P2RX3: variants seen among roughly 807,000 people sequenced by gnomAD.
The protein encoded by P2RX3 is P2X purinoceptor 3.
P2RX3 carries 41 observed loss-of-function variants against 51.5 expected under a neutral mutation model. The observed-to-expected ratio is 0.80, with a 90% confidence interval of 0.62 to 1.03. P2RX3 has a LOEUF of 1.03. Among genes scored for constraint, P2RX3 ranks in the 50% least tolerant of loss-of-function variants. The pLI is 0.00. For synonymous variants in P2RX3, 185 were observed against 191.6 expected, an observed-to-expected ratio of 0.97 and a Z score of 0.29; for missense variants, 459 against 522.1, an observed-to-expected ratio of 0.88 and a Z score of 1.18.
At chr11:57,347,379 G>T in intron 3 of P2RX3, 36 bp from the exon 4 acceptor site, 1 of 1,553,050 alleles carries the variant, frequency 6.4e-7, no homozygotes. Flanking sequence ...GGCCAGGACA[G>T]TGTCCTTCAC....
At chr11:57,359,148 G>A (rs898194054) in intron 8 of P2RX3, among the ~76,000 whole-genome samples, 2 of 152,238 alleles carry the variant, frequency 1.3e-5, no homozygotes, top group Non-Finnish European at 2.9e-5. Context: ...GGAGGAATGG[G>A]AGCCTGGTTT....
chr11:57,354,646 T>C (rs1307251478), intron 8 of P2RX3, among the ~76,000 whole-genome samples: 1 of 152,106 alleles, frequency 6.6e-6, no homozygotes, highest in African/African-American at 2.4e-5. Flanking sequence ...GTTGTGTGTG[T>C]GTGTGAGTGT....
intron 8 of P2RX3, among the ~76,000 whole-genome samples, chr11:57,363,223 A>T (rs1016102109): frequency 6.6e-6 from 1 of 151,996 alleles, no homozygotes; most frequent in Non-Finnish European, 1.5e-5. Context: ...ATCCTGAGTA[A>T]CTCCCCAACT....
rs541442192 is a variant in P2RX3 at position 57,348,332 on chromosome 11, G to T, written c.485+69G>T. On this transcript the variant is annotated intron_variant, in intron 5 of 11. Transcript: ENST00000263314. The stretch of plus-strand genomic sequence containing the variant: ...GCTCCCCTTTGCCCATGTGGGAGCC[G>T]TGCGTCTCTGAGCTTGAGGAGGGTC... 31 of 1,374,696 alleles carry T rather than the reference G, an allele frequency of 2.3e-5. No individual in the cohort carries two copies. The South Asian group carries it at 2.9e-4, about 13-fold the overall frequency. The allele number at this position is 1,374,696 out of a possible 1,614,324, so 85.2% of individuals were successfully genotyped here. A position where few individuals can be genotyped will look rare whatever the true frequency, so the allele number is the denominator to read the frequency against.
intron 1 of P2RX3, among the ~76,000 whole-genome samples, chr11:57,344,770 G>A (rs1459714685): frequency 6.6e-6 from 1 of 152,140 alleles, no homozygotes; most frequent in Non-Finnish European, 1.5e-5. Flanking sequence ...ATTCCAGTGA[G>A]CAAAGGAAGA....
upstream of P2RX3, among the ~76,000 whole-genome samples, chr11:57,338,178 G>A (rs920909498): frequency 3.9e-5 from 6 of 152,226 alleles, no homozygotes; most frequent in Non-Finnish European, 8.8e-5. Context: ...TGCTGCAGAA[G>A]AGAACAGAAC....
chr11:57,352,816 GCATAATTCC>G (rs898341569), intron 8 of P2RX3, among the ~76,000 whole-genome samples: 1 of 152,180 alleles, frequency 6.6e-6, no homozygotes, highest in Non-Finnish European at 1.5e-5. Context: ...GACCCTGCCT[GCATAATTCC>G]CAGAGGCCTA....
intron 10 of P2RX3, 125 bp from the exon 11 acceptor site, chr11:57,369,236 G>A (rs980703928): frequency 2.1e-5 from 16 of 763,948 alleles, no homozygotes; most frequent in South Asian, 4.8e-5. Flanking sequence ...TTGTTGCAAG[G>A]GTGAAATGTC....
intron 8 of P2RX3, among the ~76,000 whole-genome samples, chr11:57,354,655 G>A (rs1287995037): frequency 6.6e-6 from 1 of 152,166 alleles, no homozygotes; most frequent in Non-Finnish European, 1.5e-5. Flanking sequence ...GTGTGTGAGT[G>A]TGTGTGCACA....
At chr11:57,363,186 G>A (rs1442203688) in intron 8 of P2RX3, among the ~76,000 whole-genome samples, 2 of 152,190 alleles carry the variant, frequency 1.3e-5, no homozygotes, top group Non-Finnish European at 2.9e-5. Flanking sequence ...CTGGGATATA[G>A]CATCATGGGA....
At chr11:57,348,101 A>C in intron 4 of P2RX3, 69 bp from the exon 5 acceptor site, 1 of 1,343,118 alleles carries the variant, frequency 7.4e-7, no homozygotes, top group Non-Finnish European at 1.0e-6. Context: ...GGGGAAGGGA[A>C]GAGGGAGGAA....
In P2RX3 at chr11:57,364,960, A is replaced by T. The variant is rs574511349; in HGVS notation, c.843-3049A>T. On this transcript the variant is annotated intron_variant, in intron 8 of 11. Coordinates refer to ENST00000263314, the MANE Select transcript of P2RX3 (RefSeq NM_002559.5). ...CCCTCCCTCAGCTGCACAGCCCACA[A>T]GGAAACACCTTCCCAGGTCAGGCTG... Among the ~76,000 whole-genome samples the T allele has an allele frequency of 1.4e-4, 21 of 152,206 alleles. No individual in the cohort carries two copies. The East Asian group carries it at 4.1e-3, about 29-fold the overall frequency.
At chr11:57,342,757 A>AC (rs1208138327) in intron 1 of P2RX3, among the ~76,000 whole-genome samples, 6 of 150,022 alleles carry the variant, frequency 4.0e-5, no homozygotes, top group African/African-American at 1.2e-4. Context: ...CTTCACAAAG[A>AC]CCCCCCCATC....
intron 8 of P2RX3, among the ~76,000 whole-genome samples, chr11:57,351,272 A>G (rs988706133): frequency 2.0e-5 from 3 of 152,128 alleles, no homozygotes; most frequent in African/African-American, 7.2e-5. Context: ...CTGGGCCTGA[A>G]TTTTCTAAGG....
rs1331008381 is a variant in P2RX3, at chr11:57,338,730, C to T, written c.119+61C>T. ...GGCTGCCTGGTATCCCGTCTTCACC[C>T]TCCTGCCTCGGTGCTACCATCCAGC... On this transcript the variant is annotated intron_variant, in intron 1 of 11. Transcript: ENST00000263314. The T allele has an allele frequency of 2.6e-6, 3 of 1,156,946 alleles. No homozygotes were observed. The Admixed American group carries it at 5.2e-5, about 20-fold the overall frequency. The allele number at this position is 1,156,946 out of a possible 1,614,324, so 71.7% of individuals were successfully genotyped here.
At chr11:57,367,311 A>G (rs1856812175) in intron 8 of P2RX3, among the ~76,000 whole-genome samples, 1 of 152,238 alleles carries the variant, frequency 6.6e-6, no homozygotes, top group South Asian at 2.1e-4. Context: ...TTGAGCCCAA[A>G]TAAGCAGAGT....
intron 1 of P2RX3, among the ~76,000 whole-genome samples, chr11:57,342,441 GAGTCACC>G (rs1856358346): frequency 6.6e-6 from 1 of 151,980 alleles, no homozygotes; most frequent in African/African-American, 2.4e-5. Context: ...ATTACAACAT[GAGTCACC>G]ATGCCTGGCT....
At chr11:57,366,023 G>C (rs532767637) in intron 8 of P2RX3, among the ~76,000 whole-genome samples, 1 of 152,308 alleles carries the variant, frequency 6.6e-6, no homozygotes, top group East Asian at 1.9e-4. Context: ...GACACTGAGA[G>C]GGAACAATGT....
intron 8 of P2RX3, among the ~76,000 whole-genome samples, chr11:57,352,410 G>C (rs1856562616): frequency 6.6e-6 from 1 of 152,170 alleles, no homozygotes; most frequent in South Asian, 2.1e-4. Context: ...TATTTATTCA[G>C]TTGGTATATC....
Sources: gnomAD v4.1 joint callset for allele counts (sites outside exome capture counted in the v4.1 genomes callset) on GRCh38, gnomAD v4.1.1 for gene constraint, MANE v1.5 for transcripts, NCBI Gene and HGNC (gene_info 2026-07-23, HGNC 2026-07-21) for gene names.